Variants in OR7C1 observed in about 807,000 individuals in gnomAD.
OR7C1 encodes the protein olfactory receptor 7C1.
For synonymous variants in OR7C1, 152 were observed against 160.7 expected, an observed-to-expected ratio of 0.95 and a Z score of 0.41; for missense variants, 324 against 383.3, an observed-to-expected ratio of 0.85 and a Z score of 1.29.
At chr19:14,807,419 T>C (rs1263657675) in intron 2 of OR7C1, among the ~76,000 whole-genome samples, 2 of 151,968 alleles carry the variant, frequency 1.3e-5, no homozygotes, top group East Asian at 3.9e-4. Flanking sequence ...AGTTGAAGCA[T>C]AGGAATTTAT....
intron 1 of OR7C1, among the ~76,000 whole-genome samples, chr19:14,812,475 C>G (rs528652171): frequency 6.6e-6 from 1 of 152,130 alleles, no homozygotes; most frequent in African/African-American, 2.4e-5. Flanking sequence ...CTGCTCTGTT[C>G]TGTTCCACTC....
rs200612397 is a variant in OR7C1, at chr19:14,799,441, C to T, written c.696G>A (p.Gly232=). Reference sequence around the variant, plus strand: ...AGGTGGAAAACGCTTTGTGCTTTCTCCCAGCTGAGGAAATCCTCAGTATAG... The same window carrying T: ...AGGTGGAAAACGCTTTGTGCTTTCTTCCAGCTGAGGAAATCCTCAGTATAG... The change falls in exon 5 of 5, where the codon GGG becomes GGA. Residue 232 remains glycine, a synonymous_variant. Coordinates refer to ENST00000641666, the Ensembl canonical transcript of OR7C1. The T allele has an allele frequency of 2.5e-6, 4 of 1,614,144 alleles. No individual in the cohort carries two copies. The South Asian group carries it at 3.3e-5, about 13-fold the overall frequency.
At chr19:14,814,292 C>G (rs2145062293) in intron 1 of OR7C1, among the ~76,000 whole-genome samples, 1 of 147,842 alleles carries the variant, frequency 6.8e-6, no homozygotes, top group South Asian at 2.1e-4. Context: ...ATAAGGGATT[C>G]ATATCCAAAA....
intron 1 of OR7C1, chr19:14,826,233 G>A (rs773997995): frequency 4.6e-5 from 7 of 152,140 alleles, no homozygotes; most frequent in African/African-American, 9.7e-5. Flanking sequence ...CTGGGGAGAA[G>A]CTCAAGGTTT....
chr19:14,833,787 A>T (rs1233120600), intron 1 of OR7C1, among the ~76,000 whole-genome samples: 4 of 152,176 alleles, frequency 2.6e-5, no homozygotes, highest in Non-Finnish European at 5.9e-5. Flanking sequence ...TATTTTAAGA[A>T]AACAGTAAGA....
At chr19:14,813,051 C>T (rs570476521) in intron 1 of OR7C1, among the ~76,000 whole-genome samples, 11 of 140,526 alleles carry the variant, frequency 7.8e-5, no homozygotes, top group Non-Finnish European at 1.2e-4. Flanking sequence ...CCAGCTTGGG[C>T]GACACAGCAA....
In OR7C1 at chr19:14,828,320, C is replaced by A. The variant is rs1424586540; in HGVS notation, c.-623+6754G>T. 3.5e-6 allele frequency: 5 copies of A among 1,412,594 alleles called. No homozygotes were observed. In the Admixed American group the frequency reaches 9.0e-5, roughly 25 times the overall value. The allele number at this position is 1,412,594 out of a possible 1,614,324, so 87.5% of individuals were successfully genotyped here. On this transcript the variant is annotated intron_variant, in intron 1 of 4. Coordinates refer to ENST00000641666, the Ensembl canonical transcript of OR7C1. ...ATGCATTGCTAACCTTTCAGAAATA[C>A]CATCATTTATATTTTATAGCCAATA...
At chr19:14,818,357 G>A (rs141628933) in intron 1 of OR7C1, among the ~76,000 whole-genome samples, 30,826 of 151,996 alleles carry the variant, frequency 0.2, 3,258 homozygotes, top group Middle Eastern at 0.37. Context: ...GCCTCCCAAA[G>A]TGCTGGGATT....
intron 1 of OR7C1, among the ~76,000 whole-genome samples, chr19:14,813,868 A>G (rs1436412801): frequency 6.6e-6 from 1 of 152,042 alleles, no homozygotes; most frequent in Non-Finnish European, 1.5e-5. Flanking sequence ...TTGAGATGAG[A>G]TTTGGGTAGG....
intron 1 of OR7C1, chr19:14,828,425 C>T (rs1786846375): frequency 4.4e-6 from 3 of 684,078 alleles, no homozygotes; most frequent in Admixed American, 6.1e-5. Flanking sequence ...CTCCTTCCCA[C>T]TCTCAGCCTT....
At chr19:14,829,257 G>T (rs565841783) in intron 1 of OR7C1, among the ~76,000 whole-genome samples, 2 of 152,202 alleles carry the variant, frequency 1.3e-5, no homozygotes, top group African/African-American at 4.8e-5. Context: ...GGGCTGGAGC[G>T]CAGTGGCGCA....
chr19:14,805,151 C>T (rs1460637421), intron 2 of OR7C1, among the ~76,000 whole-genome samples: 1 of 151,826 alleles, frequency 6.6e-6, no homozygotes, highest in African/African-American at 2.4e-5. Flanking sequence ...TTAGAAGGAA[C>T]ATTTCTTGTT....
chr19:14,830,037 A>AT (rs2044815850), intron 1 of OR7C1, among the ~76,000 whole-genome samples: 1 of 152,102 alleles, frequency 6.6e-6, no homozygotes, highest in African/African-American at 2.4e-5. Flanking sequence ...TGATTTCTAC[A>AT]TTTTTTGTGG....
chr19:14,807,933 A>G (rs1005760805), intron 2 of OR7C1, among the ~76,000 whole-genome samples: 1 of 151,684 alleles, frequency 6.6e-6, no homozygotes, highest in Non-Finnish European at 1.5e-5. Flanking sequence ...AGAAGCAGTC[A>G]ACAAACATGA....
At chr19:14,806,680 C>T (rs1599913946) in intron 2 of OR7C1, among the ~76,000 whole-genome samples, 2 of 151,886 alleles carry the variant, frequency 1.3e-5, no homozygotes, top group East Asian at 1.9e-4. Flanking sequence ...TGATGGCTTC[C>T]AGCTTCATCC....
intron 1 of OR7C1, among the ~76,000 whole-genome samples, chr19:14,834,016 T>A (rs1428377558): frequency 8.1e-6 from 1 of 123,710 alleles, no homozygotes. Flanking sequence ...TCCTAGCACT[T>A]TGGGAGGCTG....
intron 1 of OR7C1, among the ~76,000 whole-genome samples, chr19:14,820,336 TG>T (rs2044734934): frequency 6.7e-6 from 1 of 150,214 alleles, no homozygotes; most frequent in Non-Finnish European, 1.5e-5. Context: ...TTTAAAAAAA[TG>T]TGTTTCTCAA....
intron 1 of OR7C1, among the ~76,000 whole-genome samples, chr19:14,818,062 T>TTTTATTTATTTATTTATTTATTTA (rs372783648): frequency 3.6e-5 from 5 of 139,460 alleles, no homozygotes; most frequent in Non-Finnish European, 7.7e-5. Context: ...ATTTTATTTA[T>TTTTATTTATTTATTTATTTATTTA]TTTATTTATT....
chr19:14,806,918 C>A (rs1178660986), intron 2 of OR7C1, among the ~76,000 whole-genome samples: 1 of 151,902 alleles, frequency 6.6e-6, no homozygotes, highest in Non-Finnish European at 1.5e-5. Flanking sequence ...GATTGCTGGG[C>A]CAAATGGTAT....
Sources: allele counts gnomAD v4.1 joint callset (sites outside exome capture counted in the v4.1 genomes callset), GRCh38; gene constraint gnomAD v4.1.1; transcripts MANE v1.5; gene names NCBI Gene and HGNC (gene_info 2026-07-23, HGNC 2026-07-21).